Variants in GLIS1 observed in about 807,000 individuals in gnomAD.
GLIS1 encodes the protein GLIS family zinc finger 1, also known as zinc finger protein GLIS1.
GLIS1 carries 24 observed loss-of-function variants against 63.8 expected under a neutral mutation model. The ratio of observed to expected loss-of-function variants is 0.38; its 90% CI spans 0.27 to 0.53. The LOEUF is 0.53. Among genes scored for constraint, GLIS1 ranks in the 20% least tolerant of loss-of-function variants. The pLI, the probability that GLIS1 is intolerant of heterozygous loss-of-function variation, is 0.85. For missense variants in GLIS1, 1,036 were observed against 1,074.1 expected, an observed-to-expected ratio of 0.96 and a Z score of 0.50; for synonymous variants, 450 against 482.5, an observed-to-expected ratio of 0.93 and a Z score of 0.88.
chr1:53,520,513 G>T, intron 7 of GLIS1, 121 bp downstream of exon 7: 2 of 1,152,410 alleles, frequency 1.7e-6, no homozygotes, highest in South Asian at 1.8e-5. Context: ...CCAGATGAGT[G>T]AGTGCCTGCA....
intron 2 of GLIS1, 45 bp downstream of exon 2, chr1:53,737,761 A>T: frequency 8.1e-7 from 1 of 1,230,306 alleles, no homozygotes; most frequent in Non-Finnish European, 1.0e-6. Context: ...GGGCAGCCCG[A>T]ATCTCCACAG....
intron 2 of GLIS1, among the ~76,000 whole-genome samples, chr1:53,660,054 G>A (rs532128108): frequency 1.1e-3 from 172 of 152,240 alleles, no homozygotes; most frequent in African/African-American, 3.9e-3. Context: ...CAAAGGTCCC[G>A]GCCAGCTCAA....
intron 4 of GLIS1, among the ~76,000 whole-genome samples, chr1:53,590,702 C>G (rs912440974): frequency 6.6e-6 from 1 of 152,178 alleles, no homozygotes; most frequent in African/African-American, 2.4e-5. Flanking sequence ...AAGGCTGAGA[C>G]AACTCGGGCA....
chr1:53,650,679 A>G (rs1295051517), intron 2 of GLIS1, among the ~76,000 whole-genome samples: 1 of 152,174 alleles, frequency 6.6e-6, no homozygotes, highest in African/African-American at 2.4e-5. Context: ...CAAAGCTAGA[A>G]TAAAATAGAT....
chr1:53,592,688 A>G (rs1291132567), intron 4 of GLIS1, among the ~76,000 whole-genome samples: 2 of 152,194 alleles, frequency 1.3e-5, no homozygotes, highest in African/African-American at 4.8e-5. Flanking sequence ...GCACAAGATA[A>G]AGTCAAAGTC....
chr1:53,525,828 C>T (rs1644462943), intron 5 of GLIS1, among the ~76,000 whole-genome samples: 1 of 152,134 alleles, frequency 6.6e-6, no homozygotes, highest in Non-Finnish European at 1.5e-5. Context: ...GCTCTCCTCG[C>T]ATCCTCCACC....
At chr1:53,595,080 A>C in intron 3 of GLIS1, 90 bp from the exon 4 acceptor site, 2 of 1,215,508 alleles carry the variant, frequency 1.6e-6, no homozygotes, top group Non-Finnish European at 2.2e-6. Flanking sequence ...GCTGAGGATC[A>C]AGGGATGGAC....
At chr1:53,733,259 A>T (rs1041549089) in intron 2 of GLIS1, among the ~76,000 whole-genome samples, 59 of 152,322 alleles carry the variant, frequency 3.9e-4, no homozygotes, top group African/African-American at 1.4e-3. Flanking sequence ...AAACGCAGGG[A>T]GATGAGTAAC....
chr1:53,591,779 A>G (rs1645195028), intron 4 of GLIS1, among the ~76,000 whole-genome samples: 1 of 152,240 alleles, frequency 6.6e-6, no homozygotes, highest in Non-Finnish European at 1.5e-5. Flanking sequence ...TAAACCCTGG[A>G]AGAGGCAAGA....
chr1:53,524,933 C>A (rs368487306), intron 5 of GLIS1, 46 bp from the exon 6 acceptor site: 2 of 1,403,260 alleles, frequency 1.4e-6, no homozygotes, highest in South Asian at 2.3e-5. Flanking sequence ...CCCATCCCTA[C>A]GGGACACGCG....
chr1:53,542,869 G>A (rs571992623), intron 4 of GLIS1, among the ~76,000 whole-genome samples: 74 of 152,338 alleles, frequency 4.9e-4, no homozygotes, highest in Admixed American at 7.2e-4. Flanking sequence ...TCCCCTCCCC[G>A]CACTATGGAG....
chr1:53,527,399 G>A (rs770668152), intron 5 of GLIS1, among the ~76,000 whole-genome samples: 14 of 152,222 alleles, frequency 9.2e-5, no homozygotes, highest in Non-Finnish European at 1.5e-5. Context: ...GACAGGCAGG[G>A]GAAGGCCGCC....
chr1:53,595,021 A>G (rs914870106), intron 3 of GLIS1, 31 bp from the exon 4 acceptor site: 1 of 1,394,674 alleles, frequency 7.2e-7, no homozygotes, highest in Non-Finnish European at 9.3e-7. Flanking sequence ...AGGTCATGAG[A>G]GGCTGGGCTC....
At chr1:53,712,275 T>G (rs1646654991) in intron 2 of GLIS1, among the ~76,000 whole-genome samples, 1 of 152,162 alleles carries the variant, frequency 6.6e-6, no homozygotes, top group South Asian at 2.1e-4. Flanking sequence ...AAAATCAGAT[T>G]CTGATGCAGC....
At chr1:53,603,964 G>A (rs572584717) in intron 2 of GLIS1, among the ~76,000 whole-genome samples, 9 of 152,348 alleles carry the variant, frequency 5.9e-5, no homozygotes, top group African/African-American at 2.2e-4. Context: ...CCATAGCAGG[G>A]CCTGGATTGG....
chr1:53,594,188 G>A lies in GLIS1; in HGVS notation c.1240C>T (p.Arg414Cys), dbSNP rs140770740. ...FTCFWAGCVR[R>C]YKPFNARYKL... The stretch of plus-strand genomic sequence containing the variant: ...TAGCGGGCGTTGAAGGGCTTGTAGC[G>A]GCGCACGCAGCCAGCCCAGAAGCAG... The change falls in exon 4 of 11, where the codon CGC becomes TGC. Residue 414 changes from arginine to cysteine, a missense_variant. By Grantham distance (180) the Arg-to-Cys change is radical. This residue lies in a region of GLIS1 where 592 missense variants were observed against 593.9 expected (regional missense o/e 1.00). Transcript: ENST00000628545. 1.9e-5 allele frequency: 30 copies of A among 1,613,884 alleles called. No homozygotes were observed. The highest frequency in any genetic ancestry group is 1.7e-5 in the Admixed American group (1 of 60,008).
intron 2 of GLIS1, among the ~76,000 whole-genome samples, chr1:53,605,125 T>C (rs373384077): frequency 6.6e-6 from 1 of 152,120 alleles, no homozygotes; most frequent in African/African-American, 2.4e-5. Flanking sequence ...ATCTGTAAAA[T>C]GGGGAGGATT....
intron 4 of GLIS1, among the ~76,000 whole-genome samples, chr1:53,545,039 C>T (rs1249192323): frequency 1.3e-5 from 2 of 152,228 alleles, no homozygotes; most frequent in African/African-American, 2.4e-5. Flanking sequence ...TTAGGGCAGG[C>T]TCTTCCTGCT....
chr1:53,513,254 C>T (rs1307577588), intron 8 of GLIS1, among the ~76,000 whole-genome samples: 1 of 152,146 alleles, frequency 6.6e-6, no homozygotes, highest in Non-Finnish European at 1.5e-5. Flanking sequence ...CAGCCTGAAC[C>T]AGGCCCTGGC....
Sources: allele counts gnomAD v4.1 joint callset (sites outside exome capture counted in the v4.1 genomes callset), GRCh38; gene constraint gnomAD v4.1.1; regional missense constraint gnomAD v4.1.1; transcripts MANE v1.5; gene names NCBI Gene and HGNC (gene_info 2026-07-23, HGNC 2026-07-21).